SHTN1: variants seen among roughly 807,000 people sequenced by gnomAD.
SHTN1 encodes the protein shootin-1.
In SHTN1, 42 loss-of-function variants were observed where a neutral mutation model predicts 83.1. The observed-to-expected ratio is 0.51, with a 90% confidence interval of 0.39 to 0.65. The LOEUF (loss-of-function observed/expected upper bound fraction) is 0.65, where lower values mean the gene tolerates loss of function less well. Among genes scored for constraint, SHTN1 ranks in the 30% least tolerant of loss-of-function variants. The pLI is 0.00. For synonymous variants in SHTN1, 224 were observed against 247.7 expected (o/e 0.90, Z 0.90); for missense variants, 622 against 737.8 (o/e 0.84, Z 1.82).
chr10:117,097,030 G>GAC (rs5788209), intron 1 of SHTN1, among the ~76,000 whole-genome samples: 54,279 of 148,840 alleles, frequency 0.36, 10,246 homozygotes, highest in Middle Eastern at 0.48. Context: ...CACACACATA[G>GAC]ACACACACAC....
At chr10:117,105,941 C>T (rs1324196367) in intron 1 of SHTN1, among the ~76,000 whole-genome samples, 1 of 151,614 alleles carries the variant, frequency 6.6e-6, no homozygotes, top group Non-Finnish European at 1.5e-5. Context: ...TTGAGCCTGA[C>T]AGGTCGAGGC....
chr10:116,954,572 C>T (rs193171987), intron 4 of SHTN1, among the ~76,000 whole-genome samples: 2 of 152,278 alleles, frequency 1.3e-5, no homozygotes, highest in East Asian at 3.9e-4. Context: ...GTGCTGAGAA[C>T]ACCTTTTAAA....
intron 2 of SHTN1, chr10:116,973,759 C>T: frequency 1.4e-6 from 1 of 716,912 alleles, no homozygotes; most frequent in Non-Finnish European, 2.1e-6. Flanking sequence ...AAGTTTAATG[C>T]TACACCATTT....
chr10:117,055,884 T>C (rs1286645524), intron 1 of SHTN1, among the ~76,000 whole-genome samples: 5 of 152,048 alleles, frequency 3.3e-5, no homozygotes, highest in African/African-American at 9.7e-5. Context: ...GAGAGAAAAA[T>C]AATGGTTAAA....
intron 2 of SHTN1, among the ~76,000 whole-genome samples, chr10:117,011,272 T>C (rs1247925182): frequency 6.6e-6 from 1 of 152,220 alleles, no homozygotes; most frequent in African/African-American, 2.4e-5. Context: ...TAATTTTTGT[T>C]AGGCCTTTTC....
chr10:116,908,761 T>C (rs1047753421), intron 14 of SHTN1, among the ~76,000 whole-genome samples: 1 of 152,204 alleles, frequency 6.6e-6, no homozygotes, highest in African/African-American at 2.4e-5. Context: ...TTCTAGTTTT[T>C]TATTTGGATA....
chr10:117,068,517 C>T (rs889460652), intron 1 of SHTN1, among the ~76,000 whole-genome samples: 1 of 151,556 alleles, frequency 6.6e-6, no homozygotes, highest in African/African-American at 2.4e-5. Context: ...AGTGGCCTGG[C>T]TCTGAAGGGG....
intron 2 of SHTN1, among the ~76,000 whole-genome samples, chr10:117,035,417 G>A (rs1852480327): frequency 6.6e-6 from 1 of 152,086 alleles, no homozygotes; most frequent in South Asian, 2.1e-4. Flanking sequence ...CTAGGACACT[G>A]GTCTGAGCAA....
chr10:117,005,124 C>T lies in SHTN1; in HGVS notation c.-45G>A. On this transcript the variant is annotated 5_prime_UTR_variant, in exon 1 of 17. Transcript: ENST00000355371. ...AATAAAAGGGAAAGAGGGAGCGGCGCGGGGCACACAGGAGGAGGGGGAAGA... is the reference window on the plus strand; with the variant it reads ...AATAAAAGGGAAAGAGGGAGCGGCGTGGGGCACACAGGAGGAGGGGGAAGA... The T allele has an allele frequency of 1.3e-6, 2 of 1,568,278 alleles. No individual in the cohort carries two copies. Among genetic ancestry groups the T allele is most frequent in the Non-Finnish European group, 1.7e-6 (2 of 1,155,956 alleles).
chr10:116,960,032 A>C, intron 4 of SHTN1, 104 bp downstream of exon 4: 1 of 653,428 alleles, frequency 1.5e-6, no homozygotes, highest in Non-Finnish European at 2.7e-6. Context: ...AGAGTAGATA[A>C]TCGATTAGAG....
rs1847100592 is a variant in SHTN1 at position 116,884,201 on chromosome 10, C to A, written c.*2143G>T. The A allele has an allele frequency of 2.2e-6, 1 of 456,858 alleles. No individual in the cohort carries two copies. The highest frequency in any genetic ancestry group is 4.4e-6 in the Non-Finnish European group (1 of 227,024). 28.3% of individuals were successfully genotyped at this position (456,858 alleles called of 1,614,324 possible). The stretch of plus-strand genomic sequence containing the variant: ...GTGCAATAGCTATGAACATACCTTG[C>A]AGATATAAGCACGGTTCTCCTATGT... On this transcript the variant is annotated 3_prime_UTR_variant, in exon 17 of 17. Coordinates refer to ENST00000355371, the MANE Select transcript of SHTN1 (RefSeq NM_001127211.3).
intron 3 of SHTN1, among the ~76,000 whole-genome samples, chr10:116,963,228 C>T (rs1343264408): frequency 6.7e-6 from 1 of 149,896 alleles, no homozygotes; most frequent in Non-Finnish European, 1.5e-5. Context: ...CCCGCCATCA[C>T]GCCCGGCTAA....
intron 1 of SHTN1, among the ~76,000 whole-genome samples, chr10:117,098,747 T>C (rs2060429398): frequency 6.6e-6 from 1 of 152,142 alleles, no homozygotes; most frequent in Admixed American, 6.5e-5. Context: ...CAACAACTTA[T>C]ATACTATTGA....
chr10:117,073,307 G>A (rs190519922), intron 1 of SHTN1, among the ~76,000 whole-genome samples: 36 of 152,156 alleles, frequency 2.4e-4, no homozygotes, highest in Admixed American at 3.9e-4. Context: ...CTACAAAAAC[G>A]GCAAGCATTT....
chr10:116,983,624 C>A (rs1366105855), intron 1 of SHTN1, among the ~76,000 whole-genome samples: 1 of 151,000 alleles, frequency 6.6e-6, no homozygotes, highest in Non-Finnish European at 1.5e-5. Context: ...GGGGTAGAGC[C>A]TGGGCATCCA....
At chr10:117,111,333 G>A (rs1464842330) in intron 1 of SHTN1, among the ~76,000 whole-genome samples, 1 of 151,740 alleles carries the variant, frequency 6.6e-6, no homozygotes, top group African/African-American at 2.4e-5. Flanking sequence ...TCGTTCTGTT[G>A]CCCAGGCTGG....
chr10:116,979,586 G>A (rs189486900), intron 1 of SHTN1, among the ~76,000 whole-genome samples: 19 of 152,284 alleles, frequency 1.2e-4, no homozygotes, highest in African/African-American at 4.6e-4. Flanking sequence ...AACCCGGCTG[G>A]GCTCCTGCTT....
rs75534742 is a variant in SHTN1 at position 116,915,141 on chromosome 10, C to G, written c.1305+234G>C. Among the ~76,000 whole-genome samples, 564 of 152,230 alleles carry G rather than the reference C, an allele frequency of 3.7e-3. 2 individuals carry two copies. The highest frequency in any genetic ancestry group is 4.2e-3 in the Non-Finnish European group (286 of 68,010). ...GGTGTAACAGTTCGTATCACTGTCTCTCGTAATGAGACAACAGCACCCCCA... is the reference window on the plus strand; with the variant it reads ...GGTGTAACAGTTCGTATCACTGTCTGTCGTAATGAGACAACAGCACCCCCA... On this transcript the variant is annotated intron_variant, in intron 13 of 16. Transcript: ENST00000355371.
upstream of SHTN1, among the ~76,000 whole-genome samples, chr10:117,005,904 T>G (rs1227260498): frequency 1.3e-5 from 2 of 152,184 alleles, no homozygotes; most frequent in Non-Finnish European, 2.9e-5. Flanking sequence ...AGGGTGCCAC[T>G]GCAGTCCGAA....
Sources: gnomAD v4.1 joint callset for allele counts (sites outside exome capture counted in the v4.1 genomes callset) on GRCh38, gnomAD v4.1.1 for gene constraint, MANE v1.5 for transcripts, NCBI Gene and HGNC (gene_info 2026-07-23, HGNC 2026-07-21) for gene names.